FNDC3B: variants seen among roughly 807,000 people sequenced by gnomAD.
The protein encoded by FNDC3B is fibronectin type III domain containing 3B, also known as fibronectin type III domain-containing protein 3B.
A neutral mutation model predicts 151.5 loss-of-function variants in FNDC3B; 12 were observed. The ratio of observed to expected loss-of-function variants is 0.08; its 90% CI spans 0.05 to 0.13. The LOEUF (loss-of-function observed/expected upper bound fraction) is 0.13, where lower values mean the gene tolerates loss of function less well. FNDC3B is among the 10% of genes least tolerant of loss of function. The probability of loss-of-function intolerance (pLI) is 1.00; values close to 1 mark genes in which losing one functional copy is unlikely to be tolerated. For synonymous variants in FNDC3B, 528 were observed against 549.0 expected (o/e 0.96, Z 0.54); for missense variants, 1,214 against 1,505.3 (o/e 0.81, Z 3.20).
chr3:172,228,450 A>G (rs1339083928), intron 4 of FNDC3B, among the ~76,000 whole-genome samples: 1 of 152,238 alleles, frequency 6.6e-6, no homozygotes, highest in Non-Finnish European at 1.5e-5. Context: ...GAACATTTCT[A>G]ACGGAGAGAA....
intron 9 of FNDC3B, among the ~76,000 whole-genome samples, chr3:172,301,406 TA>T (rs1360333629): frequency 1.1e-4 from 17 of 152,224 alleles, no homozygotes; most frequent in African/African-American, 4.1e-4. Flanking sequence ...GTCCAGTTAA[TA>T]ATCTTAGTTC....
intron 4 of FNDC3B, among the ~76,000 whole-genome samples, chr3:172,235,047 AG>A (rs1378719498): frequency 6.6e-6 from 1 of 152,136 alleles, no homozygotes; most frequent in Non-Finnish European, 1.5e-5. Flanking sequence ...CCTTTTTTAA[AG>A]GAAAATATAA....
chr3:172,307,158 C>A, intron 9 of FNDC3B: 1 of 557,882 alleles, frequency 1.8e-6, no homozygotes, highest in South Asian at 2.2e-5. Context: ...GTGGCACACA[C>A]TGAGACAAAT....
At chr3:172,369,353 A>G (rs1399411428) in intron 23 of FNDC3B, among the ~76,000 whole-genome samples, 2 of 152,224 alleles carry the variant, frequency 1.3e-5, no homozygotes, top group Admixed American at 1.3e-4. Flanking sequence ...GCAAAGTAGG[A>G]GAGTGGGAGA....
intron 3 of FNDC3B, among the ~76,000 whole-genome samples, chr3:172,137,966 A>G (rs896613756): frequency 6.6e-6 from 1 of 152,214 alleles, no homozygotes; most frequent in Admixed American, 6.5e-5. Context: ...CAGTTCAGGA[A>G]TTAATAGAGG....
At chr3:172,378,574 C>T in intron 24 of FNDC3B, 138 bp downstream of exon 24, 1 of 822,412 alleles carries the variant, frequency 1.2e-6, no homozygotes, top group African/African-American at 1.7e-5. Flanking sequence ...GAAGATTGAG[C>T]AATGATGGGT....
intron 9 of FNDC3B, among the ~76,000 whole-genome samples, chr3:172,304,950 G>A (rs975120431): frequency 6.7e-6 from 1 of 149,512 alleles, no homozygotes; most frequent in Admixed American, 6.7e-5. Flanking sequence ...TTTAAGAGAA[G>A]CCAGAAGTTT....
chr3:172,233,087 A>G (rs921924413), intron 4 of FNDC3B, among the ~76,000 whole-genome samples: 8 of 152,186 alleles, frequency 5.3e-5, no homozygotes, highest in African/African-American at 1.9e-4. Flanking sequence ...TTTCTGAATA[A>G]TTTATATGTA....
intron 9 of FNDC3B, among the ~76,000 whole-genome samples, chr3:172,305,678 T>C (rs1450867518): frequency 1.3e-5 from 2 of 152,230 alleles, no homozygotes; most frequent in Non-Finnish European, 2.9e-5. Flanking sequence ...CAAAACATTA[T>C]GTTTTTGCAC....
intron 1 of FNDC3B, among the ~76,000 whole-genome samples, chr3:172,047,403 C>T (rs1288810091): frequency 6.6e-6 from 1 of 152,158 alleles, no homozygotes; most frequent in African/African-American, 2.4e-5. Context: ...TAAAGTTTGG[C>T]TGCCTATTCT....
At chr3:172,090,984 C>G (rs2108510334) in intron 1 of FNDC3B, among the ~76,000 whole-genome samples, 1 of 152,212 alleles carries the variant, frequency 6.6e-6, no homozygotes, top group South Asian at 2.1e-4. Context: ...ATTCCAAAAT[C>G]TGAAAATTCA....
At chr3:172,077,646 T>C (rs1323475665) in intron 1 of FNDC3B, among the ~76,000 whole-genome samples, 1 of 152,200 alleles carries the variant, frequency 6.6e-6, no homozygotes, top group Admixed American at 6.5e-5. Flanking sequence ...CCAGTGTGGT[T>C]GTCTGAGAGA....
At chr3:172,201,641 C>G (rs141251526) in intron 3 of FNDC3B, among the ~76,000 whole-genome samples, 3 of 152,120 alleles carry the variant, frequency 2.0e-5, no homozygotes, top group Non-Finnish European at 4.4e-5. Flanking sequence ...ATTCTTTGCA[C>G]GAAATGCTGA....
intron 3 of FNDC3B, among the ~76,000 whole-genome samples, chr3:172,215,563 A>C (rs1725935326): frequency 6.6e-6 from 1 of 152,174 alleles, no homozygotes; most frequent in Admixed American, 6.5e-5. Flanking sequence ...GTCTCTACTA[A>C]AAATACAAAA....
At chr3:172,053,159 G>C (rs980017263) in intron 1 of FNDC3B, among the ~76,000 whole-genome samples, 1 of 151,968 alleles carries the variant, frequency 6.6e-6, no homozygotes, top group Non-Finnish European at 1.5e-5. Context: ...AGTAATTCTG[G>C]AAGATATTCT....
chr3:172,096,223 A>G (rs1193293623), intron 1 of FNDC3B, among the ~76,000 whole-genome samples: 1 of 152,226 alleles, frequency 6.6e-6, no homozygotes, highest in African/African-American at 2.4e-5. Context: ...TAGGTGCTAC[A>G]GACAGTTAAC....
intron 11 of FNDC3B, among the ~76,000 whole-genome samples, chr3:172,323,808 G>C (rs1732209140): frequency 6.6e-6 from 1 of 152,086 alleles, no homozygotes; most frequent in Non-Finnish European, 1.5e-5. Flanking sequence ...ACAATATCTA[G>C]ACTCCCATTA....
At chr3:172,216,046 G>A (rs1239765432) in intron 3 of FNDC3B, among the ~76,000 whole-genome samples, 1 of 152,136 alleles carries the variant, frequency 6.6e-6, no homozygotes, top group Non-Finnish European at 1.5e-5. Flanking sequence ...GTGTGAGAAA[G>A]TCCGAGGGCG....
chr3:172,143,267 G>T (rs1721720338), intron 3 of FNDC3B, among the ~76,000 whole-genome samples: 1 of 152,146 alleles, frequency 6.6e-6, no homozygotes, highest in South Asian at 2.1e-4. Context: ...AATGAATACA[G>T]GCATGAGTGT....
Sources: allele counts gnomAD v4.1 joint callset (sites outside exome capture counted in the v4.1 genomes callset), GRCh38; gene constraint gnomAD v4.1.1; transcripts MANE v1.5; gene names NCBI Gene and HGNC (gene_info 2026-07-23, HGNC 2026-07-21).